The following PTPRK variants were observed in gnomAD, a reference collection of about 807,000 sequenced individuals.
The protein encoded by PTPRK is protein tyrosine phosphatase receptor type K, also known as receptor-type tyrosine-protein phosphatase kappa.
In PTPRK, 75 loss-of-function variants were observed where a neutral mutation model predicts 178.0. The observed-to-expected ratio is 0.42, with a 90% confidence interval of 0.35 to 0.51. PTPRK has a LOEUF of 0.51. PTPRK is among the 20% of genes least tolerant of loss of function. The pLI is 0.02. For missense variants in PTPRK, 1,441 were observed against 1,797.8 expected (o/e 0.80, Z 3.59); for synonymous variants, 637 against 620.6 (o/e 1.03, Z -0.39).
chr6:128,441,178 G>A (rs1350069058), intron 1 of PTPRK, among the ~76,000 whole-genome samples: 2 of 152,088 alleles, frequency 1.3e-5, no homozygotes, highest in African/African-American at 2.4e-5. Context: ...TTAAAAATCT[G>A]CTTAAAGGTT....
chr6:128,496,566 T>C (rs1854689757), intron 1 of PTPRK, among the ~76,000 whole-genome samples: 1 of 152,148 alleles, frequency 6.6e-6, no homozygotes, highest in South Asian at 2.1e-4. Context: ...TGAGATCAGG[T>C]CCAGATGTTA....
chr6:128,072,609 C>T (rs1356365375), intron 11 of PTPRK, among the ~76,000 whole-genome samples: 2 of 151,994 alleles, frequency 1.3e-5, no homozygotes, highest in African/African-American at 4.8e-5. Context: ...TACCACATTC[C>T]TTACCTTATA....
chr6:128,417,905 T>C (rs1165014505), intron 1 of PTPRK, among the ~76,000 whole-genome samples: 1 of 152,194 alleles, frequency 6.6e-6, no homozygotes, highest in Admixed American at 6.5e-5. Context: ...TGTGTGTTCC[T>C]CTCACACTCT....
intron 1 of PTPRK, among the ~76,000 whole-genome samples, chr6:128,453,750 C>T (rs1848070868): frequency 1.3e-5 from 2 of 152,080 alleles, no homozygotes; most frequent in South Asian, 4.1e-4. Flanking sequence ...TGGGATGTAT[C>T]CAAGCTCTAC....
At chr6:128,476,808 G>A (rs1264541694) in intron 1 of PTPRK, among the ~76,000 whole-genome samples, 1 of 151,726 alleles carries the variant, frequency 6.6e-6, no homozygotes, top group African/African-American at 2.4e-5. Flanking sequence ...ATAATTAGTG[G>A]GGAACTTAGG....
At chr6:127,997,060 C>A (rs956386505) in intron 16 of PTPRK, 72 bp from the exon 17 acceptor site, 2 of 1,482,002 alleles carry the variant, frequency 1.3e-6, no homozygotes, top group East Asian at 2.4e-5. Flanking sequence ...TGTTCTGAAG[C>A]CCCAAATAGT....
chr6:128,272,919 T>C (rs1820091144), intron 3 of PTPRK, among the ~76,000 whole-genome samples: 2 of 152,220 alleles, frequency 1.3e-5, no homozygotes, highest in East Asian at 1.9e-4. Flanking sequence ...CGTATGTTTA[T>C]TGTGGCACTA....
At chr6:128,369,324 C>T (rs554725108) in intron 2 of PTPRK, among the ~76,000 whole-genome samples, 29 of 152,084 alleles carry the variant, frequency 1.9e-4, no homozygotes, top group Non-Finnish European at 2.9e-4. Context: ...ATGTAAATAA[C>T]GTTTAAAGGC....
At chr6:128,486,117 A>C (rs1852829271) in intron 1 of PTPRK, among the ~76,000 whole-genome samples, 1 of 152,306 alleles carries the variant, frequency 6.6e-6, no homozygotes, top group East Asian at 1.9e-4. Flanking sequence ...AACCCACAGA[A>C]TACTACCAAA....
chr6:128,170,909 A>C (rs1406669894), intron 7 of PTPRK, among the ~76,000 whole-genome samples: 1 of 152,014 alleles, frequency 6.6e-6, no homozygotes, highest in Non-Finnish European at 1.5e-5. Flanking sequence ...AAAGCAAAAA[A>C]AAAAAAACTG....
At chr6:128,100,650 T>C (rs1303956833) in intron 7 of PTPRK, among the ~76,000 whole-genome samples, 2 of 152,012 alleles carry the variant, frequency 1.3e-5, no homozygotes, top group East Asian at 1.9e-4. Context: ...TAATTGATTA[T>C]ATCTCAGAGC....
intron 13 of PTPRK, among the ~76,000 whole-genome samples, chr6:128,055,997 T>C (rs1779833053): frequency 1.3e-5 from 2 of 151,042 alleles, no homozygotes; most frequent in Non-Finnish European, 3.0e-5. Flanking sequence ...TTTCTTTTTT[T>C]TTTTTTTTTT....
chr6:128,242,003 C>T (rs1007187176), intron 4 of PTPRK, among the ~76,000 whole-genome samples: 1 of 148,202 alleles, frequency 6.7e-6, no homozygotes. Flanking sequence ...TTTGGCCAGA[C>T]TGGTCTCAAA....
At chr6:128,371,511 A>G (rs1367706036) in intron 2 of PTPRK, among the ~76,000 whole-genome samples, 1 of 152,210 alleles carries the variant, frequency 6.6e-6, no homozygotes, top group Non-Finnish European at 1.5e-5. Flanking sequence ...TTCAAAATCC[A>G]TTACAATCTG....
intron 7 of PTPRK, among the ~76,000 whole-genome samples, chr6:128,094,899 A>T (rs1217134329): frequency 6.6e-6 from 1 of 152,098 alleles, no homozygotes; most frequent in Non-Finnish European, 1.5e-5. Context: ...AGAGAAATGG[A>T]GAGAAGAGGA....
intron 1 of PTPRK, among the ~76,000 whole-genome samples, chr6:128,413,884 ACTT>A (rs1167494294): frequency 1.3e-5 from 2 of 152,182 alleles, no homozygotes; most frequent in Non-Finnish European, 2.9e-5. Context: ...ACCAATGTCT[ACTT>A]AAGTTTTCTC....
At chr6:127,992,610 C>T in intron 19 of PTPRK, 63 bp downstream of exon 19, 1 of 1,387,100 alleles carries the variant, frequency 7.2e-7, no homozygotes, top group Non-Finnish European at 9.9e-7. Context: ...ATAATAAAAA[C>T]CACCACATAG....
At chr6:127,994,706 C>T (rs899626051) in intron 18 of PTPRK, among the ~76,000 whole-genome samples, 15 of 151,706 alleles carry the variant, frequency 9.9e-5, no homozygotes, top group African/African-American at 3.4e-4. Context: ...CAAAATTTAA[C>T]AGTGAAATAT....
intron 1 of PTPRK, among the ~76,000 whole-genome samples, chr6:128,493,169 G>A (rs1207844069): frequency 6.6e-6 from 1 of 152,094 alleles, no homozygotes; most frequent in African/African-American, 2.4e-5. Context: ...TTTTTCCTAA[G>A]AGCAAATTCT....
Sources: gnomAD v4.1 joint callset for allele counts (sites outside exome capture counted in the v4.1 genomes callset) on GRCh38, gnomAD v4.1.1 for gene constraint, MANE v1.5 for transcripts, NCBI Gene and HGNC (gene_info 2026-07-23, HGNC 2026-07-21) for gene names.